Variants in BLOC1S3 observed in about 807,000 individuals in gnomAD.
BLOC1S3 encodes biogenesis of lysosomal organelles complex 1 subunit 3, also known as biogenesis of lysosome-related organelles complex 1 subunit 3.
In BLOC1S3, 7 loss-of-function variants were observed where a neutral mutation model predicts 9.1. The observed-to-expected ratio is 0.77, with a 90% CI of 0.44 to 1.45. The LOEUF (loss-of-function observed/expected upper bound fraction) is 1.45, where lower values mean the gene tolerates loss of function less well. Ranked by LOEUF, BLOC1S3 falls within the 40% of genes most tolerant of loss-of-function variation. BLOC1S3 has a pLI of 0.01. For synonymous variants in BLOC1S3, 145 were observed against 158.4 expected, an observed-to-expected ratio of 0.92 and a Z score of 0.64; for missense variants, 307 against 315.2, an observed-to-expected ratio of 0.97 and a Z score of 0.20.
Position 45,213,213 on chromosome 19 carries a change from G to T in BLOC1S3, n.283-3463G>T, listed in dbSNP as rs111862689. On this transcript the variant is annotated intron_variant and non_coding_transcript_variant, in intron 3 of 3. Coordinates refer to the BLOC1S3 transcript ENST00000591569. ...AGAAAGATGGGCGGGGCACAGGGAT[G>T]TCTGCAAAGAAGGCACGGTCCCGAG... The T allele has an allele frequency of 1.1e-3, 1,838 of 1,611,642 alleles. 2 individuals are homozygous for T. Among genetic ancestry groups the T allele is most frequent in the Admixed American group, 2.5e-3 (148 of 59,628 alleles).
At chr19:45,202,820 A>G (rs893410764) in intron 3 of BLOC1S3, among the ~76,000 whole-genome samples, 1 of 151,820 alleles carries the variant, frequency 6.6e-6, no homozygotes, top group Admixed American at 6.6e-5. Context: ...TCTGGCAACC[A>G]CTGATGTTTA....
At chr19:45,197,673 A>C (rs1170555640) in intron 2 of BLOC1S3, among the ~76,000 whole-genome samples, 1 of 151,674 alleles carries the variant, frequency 6.6e-6, no homozygotes, top group Non-Finnish European at 1.5e-5. Flanking sequence ...TAAAATACAA[A>C]AATTAGCCAG....
intron 2 of BLOC1S3, among the ~76,000 whole-genome samples, chr19:45,195,009 G>A (rs771686072): frequency 1.6e-4 from 24 of 149,776 alleles, no homozygotes; most frequent in Non-Finnish European, 3.0e-4. Context: ...TCAGCTCACT[G>A]CAATCTCCGC....
chr19:45,213,495 G>A (rs1599758896), intron 3 of BLOC1S3: 4 of 972,612 alleles, frequency 4.1e-6, no homozygotes, highest in East Asian at 5.5e-5. Context: ...CCCCTCCAGA[G>A]CCTTCCCTCC....
intron 2 of BLOC1S3, among the ~76,000 whole-genome samples, chr19:45,190,825 A>ATTTTATTTTTT (rs1271466326): frequency 2.0e-3 from 56 of 28,554 alleles, no homozygotes; most frequent in African/African-American, 7.5e-3. Flanking sequence ...TTATTTTTTG[A>ATTTTATTTTTT]GAGAGAGTCT....
intron 1 of BLOC1S3, 116 bp downstream of exon 1, chr19:45,178,947 T>C: frequency 4.4e-6 from 1 of 228,500 alleles, no homozygotes; most frequent in Non-Finnish European, 8.5e-6. Context: ...CACGGGCCCG[T>C]GTGCTTCCGG....
At chr19:45,184,830 G>C (rs1969553766), downstream of BLOC1S3, among the ~76,000 whole-genome samples, 1 of 150,778 alleles carries the variant, frequency 6.6e-6, no homozygotes, top group Non-Finnish European at 1.5e-5. Context: ...AACCCGGGAG[G>C]TGGAGCGTGC....
chr19:45,209,751 C>T (rs1599757268), intron 3 of BLOC1S3, among the ~76,000 whole-genome samples: 1 of 148,678 alleles, frequency 6.7e-6, no homozygotes, highest in Admixed American at 6.8e-5. Flanking sequence ...GGAGTTTCGC[C>T]CTTGTTGCCC....
rs373974202 is a variant in BLOC1S3, at chr19:45,191,522, ATAGTCT to A, written n.180+3784_180+3789del. Among the ~76,000 whole-genome samples the A allele has an allele frequency of 3.0e-3, 460 of 152,306 alleles. 2 individuals are homozygous for A. Among genetic ancestry groups the A allele is most frequent in the African/African-American group, 0.01 (430 of 41,564 alleles). On this transcript the variant is annotated intron_variant and non_coding_transcript_variant, in intron 2 of 3. Coordinates refer to the BLOC1S3 transcript ENST00000591569. ...GGCACTGAAGAGTTAGGTATTTATT[ATAGTCT>A]TCACAGTCTGGGCTTGTCTGTACTC...
At chr19:45,210,166 T>C (rs1278868022) in intron 3 of BLOC1S3, among the ~76,000 whole-genome samples, 1 of 152,148 alleles carries the variant, frequency 6.6e-6, no homozygotes, top group Non-Finnish European at 1.5e-5. Flanking sequence ...ACAGAGAGAT[T>C]AGTGTCTGCT....
intron 3 of BLOC1S3, chr19:45,213,336 G>A: frequency 2.5e-6 from 4 of 1,613,632 alleles, no homozygotes; most frequent in Non-Finnish European, 3.4e-6. Flanking sequence ...GGATGTCGAG[G>A]AGGGCTGCCA....
chr19:45,193,132 C>CAAAAAAA lies in BLOC1S3; in HGVS notation n.180+5414_180+5420dup, dbSNP rs71173123. ...GGGCAACAAGAGCAAAACTCCGTCTCAAAAAAAAAAAAAAAAAAAAAAAAA... is the reference window on the plus strand; with the variant it reads ...GGGCAACAAGAGCAAAACTCCGTCTCAAAAAAAAAAAAAAAAAAAAAAAAAAAAAAAA... On this transcript the variant is annotated intron_variant and non_coding_transcript_variant, in intron 2 of 3. Coordinates refer to the BLOC1S3 transcript ENST00000591569. 3.5e-3 allele frequency among the ~76,000 whole-genome samples: 276 copies of CAAAAAAA among 77,880 alleles called. 24 individuals are homozygous for CAAAAAAA. Among genetic ancestry groups the CAAAAAAA allele is most frequent in the Non-Finnish European group, 5.5e-3 (208 of 37,498 alleles). 51.1% of individuals were successfully genotyped at this position (77,880 alleles called of 152,430 possible).
At chr19:45,211,561 G>A (rs533700578) in intron 3 of BLOC1S3, among the ~76,000 whole-genome samples, 19 of 151,844 alleles carry the variant, frequency 1.3e-4, no homozygotes, top group African/African-American at 4.6e-4. Flanking sequence ...AGTGAGGAAG[G>A]TGCACCCTCA....
intron 2 of BLOC1S3, among the ~76,000 whole-genome samples, chr19:45,190,825 A>ATTTTTT (rs1271466326): frequency 1.0e-4 from 3 of 28,580 alleles, no homozygotes; most frequent in African/African-American, 4.2e-4. Context: ...TTATTTTTTG[A>ATTTTTT]GAGAGAGTCT....
chr19:45,214,118 G>C (rs900454059), intron 3 of BLOC1S3, among the ~76,000 whole-genome samples: 2 of 152,026 alleles, frequency 1.3e-5, no homozygotes, highest in African/African-American at 4.8e-5. Context: ...TTCAAGTTCA[G>C]AAACTCCACA....
rs749527953 is a variant in BLOC1S3, at chr19:45,179,939, G to A, written c.*34G>A. On this transcript the variant is annotated 3_prime_UTR_variant, in exon 2 of 2. Coordinates refer to ENST00000433642, the MANE Select transcript of BLOC1S3 (RefSeq NM_212550.5). This position sits in a 1 kb window ranked among gnomAD's most constrained non-coding sequence, Gnocchi z 4.6. ...CTACTTCCCAACCTGACTGCAATTT[G>A]GGGGTAGGCCTTGCTGCCTCTGGGA... The A allele has an allele frequency of 3.1e-6, 5 of 1,596,880 alleles. No individual in the cohort carries two copies. In the South Asian group the frequency reaches 4.4e-5, roughly 14 times the overall value.
chr19:45,215,958 A>G, intron 3 of BLOC1S3: 1 of 1,447,016 alleles, frequency 6.9e-7, no homozygotes, highest in Non-Finnish European at 9.3e-7. Context: ...AACGGCCGTC[A>G]GACACGCTCA....
At chr19:45,190,218 A>G (rs1389677199) in intron 2 of BLOC1S3, among the ~76,000 whole-genome samples, 5 of 151,724 alleles carry the variant, frequency 3.3e-5, no homozygotes, top group South Asian at 2.1e-4. Context: ...TAGTTTGTCA[A>G]TTGAATTTTT....
In BLOC1S3 at chr19:45,180,829, C is replaced by G. The variant is rs1485596799; in HGVS notation, c.*924C>G. 1 of 161,286 alleles carries G rather than the reference C, an allele frequency of 6.2e-6. No individual in the cohort carries two copies. Among genetic ancestry groups the G allele is most frequent in the Non-Finnish European group, 1.5e-5 (1 of 68,590 alleles). The allele number at this position is 161,286 out of a possible 1,614,324, so 10.0% of individuals were successfully genotyped here. A position where few individuals can be genotyped will look rare whatever the true frequency, so the allele number is the denominator to read the frequency against. On this transcript the variant is annotated 3_prime_UTR_variant, in exon 2 of 2. Coordinates refer to ENST00000433642, the MANE Select transcript of BLOC1S3 (RefSeq NM_212550.5). ...GCCACCTCCACCTCCCGAGTTCAAG[C>G]GATTCTCCTGCCTCAGCCTCCCGAG... is the stretch of plus-strand genomic sequence containing the variant.
Sources: gnomAD v4.1 joint callset for allele counts (sites outside exome capture counted in the v4.1 genomes callset) on GRCh38, gnomAD v4.1.1 for gene constraint, Gnocchi (gnomAD v3.1) non-coding constraint, MANE v1.5 for transcripts, NCBI Gene and HGNC (gene_info 2026-07-23, HGNC 2026-07-21) for gene names.